DNAH11: variants seen among roughly 807,000 people sequenced by gnomAD.
The protein encoded by DNAH11 is axonemal beta dynein heavy chain 11.
In DNAH11, 442 loss-of-function variants were observed where a neutral mutation model predicts 526.0. That is an observed-to-expected ratio of 0.84 (90% CI 0.78 to 0.91). The LOEUF is 0.91. Among genes scored for constraint, DNAH11 ranks in the 40% least tolerant of loss-of-function variants. The pLI is 0.00. For synonymous variants in DNAH11, 2,461 were observed against 1,935.9 expected (o/e 1.27, Z -7.12); for missense variants, 6,989 against 5,448.7 (o/e 1.28, Z -8.90).
Position 21,779,056 on chromosome 7 carries a change from G to GGA in DNAH11, c.9438_9439dup (p.Lys3147ArgfsTer3). 1 of 1,613,350 alleles carries GGA rather than the reference G, an allele frequency of 6.2e-7. No homozygotes were observed. The highest frequency in any genetic ancestry group is 1.7e-5 in the Admixed American group (1 of 59,968). On this transcript the variant is annotated frameshift_variant, in exon 57 of 82. Coordinates refer to ENST00000409508, the MANE Select transcript of DNAH11 (RefSeq NM_001277115.2). LOFTEE classifies it high-confidence loss of function. ...TGATCACAAAGATCGGCCTTCAGAC[G>GGA]GAGAAAGTGAGCCGGGAAAAGACCA...
At chr7:21,795,592 C>A (rs1428928336) in intron 61 of DNAH11, among the ~76,000 whole-genome samples, 2 of 152,174 alleles carry the variant, frequency 1.3e-5, no homozygotes, top group Non-Finnish European at 2.9e-5. Flanking sequence ...ACAAACAGAA[C>A]CATATTTTAT....
At chr7:21,577,144 T>C (rs1784126704) in intron 8 of DNAH11, among the ~76,000 whole-genome samples, 1 of 152,174 alleles carries the variant, frequency 6.6e-6, no homozygotes, top group South Asian at 2.1e-4. Flanking sequence ...GAAATGCCAG[T>C]GGGCACAGAC....
chr7:21,565,994 G>A (rs1039306626), intron 6 of DNAH11, among the ~76,000 whole-genome samples: 11 of 152,088 alleles, frequency 7.2e-5, no homozygotes, highest in African/African-American at 7.2e-5. Flanking sequence ...TCCTAATGGC[G>A]CGGGTCTCTA....
intron 7 of DNAH11, among the ~76,000 whole-genome samples, chr7:21,570,891 A>G (rs886652497): frequency 6.6e-6 from 1 of 152,182 alleles, no homozygotes; most frequent in Non-Finnish European, 1.5e-5. Context: ...TTTAAAAAAA[A>G]AAAAAAAAAG....
chr7:21,717,707 T>A, intron 42 of DNAH11, 68 bp from the exon 43 acceptor site: 1 of 1,588,504 alleles, frequency 6.3e-7, no homozygotes, highest in Non-Finnish European at 8.6e-7. Context: ...GGAGGAAGCT[T>A]TTGACTTGGT....
At chr7:21,851,353 A>T (rs1360046808) in intron 66 of DNAH11, 4 of 305,648 alleles carry the variant, frequency 1.3e-5, no homozygotes, top group Admixed American at 1.2e-4. Flanking sequence ...AGCTATACGG[A>T]ACTATGAGTC....
At chr7:21,866,405 G>A (rs114909687) in intron 70 of DNAH11, 65 bp from the exon 71 acceptor site, 2 of 1,457,092 alleles carry the variant, frequency 1.4e-6, no homozygotes, top group South Asian at 2.8e-5. Context: ...ACATTCACAA[G>A]TCTTCTTCTC....
chr7:21,854,634 C>T (rs926222468), intron 68 of DNAH11, among the ~76,000 whole-genome samples, 179 bp downstream of exon 68: 6 of 152,058 alleles, frequency 3.9e-5, no homozygotes, highest in African/African-American at 1.4e-4. Context: ...CCTCTGCCTC[C>T]CATATTCAAG....
Position 21,880,740 on chromosome 7 carries a change from A to G in DNAH11, c.12234A>G (p.Lys4078=). Residue 4078 remains lysine (K), a synonymous_variant, in exon 75 of 82, where the codon AAA becomes AAG. Coordinates refer to ENST00000409508, the MANE Select transcript of DNAH11 (RefSeq NM_001277115.2). ...TATGCTCCAAGGAGCAGGAGTTTAA[A>G]AGCATCCTTTTTTCTCTCTGCTACT... ...LEICSKEQEF[K]SILFSLCYFH... is the part of the protein sequence containing the mutation. 3 of 1,613,960 alleles carry G rather than the reference A, an allele frequency of 1.9e-6. No homozygotes were observed. The South Asian group carries it at 3.3e-5, about 18-fold the overall frequency.
At chr7:21,830,242 AC>A (rs2128008161) in intron 65 of DNAH11, among the ~76,000 whole-genome samples, 1 of 151,864 alleles carries the variant, frequency 6.6e-6, no homozygotes, top group South Asian at 2.1e-4. Context: ...ACAGTAGAAA[AC>A]TTTTATACAA....
At chr7:21,701,354 A>G (rs1439661855) in intron 36 of DNAH11, among the ~76,000 whole-genome samples, 1 of 147,084 alleles carries the variant, frequency 6.8e-6, no homozygotes, top group African/African-American at 2.5e-5. Context: ...CAGTAATGTG[A>G]TCATAGCTCA....
chr7:21,548,629 A>G (rs2128426667), intron 2 of DNAH11, among the ~76,000 whole-genome samples: 1 of 152,300 alleles, frequency 6.6e-6, no homozygotes, highest in East Asian at 1.9e-4. Flanking sequence ...ACTGGAAGGT[A>G]ACAGGTTACA....
chr7:21,711,702 C>T lies in DNAH11; in HGVS notation c.6835-10C>T, dbSNP rs1784469667. 2 of 1,612,044 alleles carry T rather than the reference C, an allele frequency of 1.2e-6. No homozygotes were observed. Among genetic ancestry groups the T allele is most frequent in the East Asian group, 2.2e-5 (1 of 44,820 alleles). On this transcript the variant is annotated splice_polypyrimidine_tract_variant and intron_variant, in intron 41 of 81. Coordinates refer to ENST00000409508, the MANE Select transcript of DNAH11 (RefSeq NM_001277115.2). The stretch of plus-strand genomic sequence containing the variant: ...TTTGCCCATGGGTGACAGTGTGCTG[C>T]TCACTCCAGGTGCTGACCCTCGCCA...
intron 5 of DNAH11, among the ~76,000 whole-genome samples, chr7:21,563,800 A>G (rs1219383097): frequency 2.6e-5 from 4 of 152,230 alleles, no homozygotes; most frequent in African/African-American, 9.6e-5. Context: ...CCTAGAAGGA[A>G]TTAACATTCT....
At chr7:21,616,155 A>C (rs189637471) in intron 21 of DNAH11, 54 bp from the exon 22 acceptor site, 1 of 1,348,266 alleles carries the variant, frequency 7.4e-7, no homozygotes, top group East Asian at 2.3e-5. Flanking sequence ...TTTGCTGCAG[A>C]GACTTGCTTT....
chr7:21,625,394 C>T (rs146766761), intron 25 of DNAH11, among the ~76,000 whole-genome samples: 2 of 152,020 alleles, frequency 1.3e-5, no homozygotes, highest in Non-Finnish European at 2.9e-5. Flanking sequence ...TGAGTTATCT[C>T]CCTTCTTTCC....
In DNAH11 at chr7:21,591,036, G is replaced by A; in HGVS notation, c.2274+14G>A. ...ACTATTTTAAAGGTTTGTGATTTTTGTTAAAAAAAAGATACTAGGGCCTAT... is the reference window on the plus strand; with the variant it reads ...ACTATTTTAAAGGTTTGTGATTTTTATTAAAAAAAAGATACTAGGGCCTAT... On this transcript the variant is annotated intron_variant, in intron 13 of 81. Transcript: ENST00000409508. 6.8e-7 allele frequency: 1 copy of A among 1,466,376 alleles called. No individual in the cohort carries two copies. Among genetic ancestry groups the A allele is most frequent in the Non-Finnish European group, 9.0e-7 (1 of 1,112,934 alleles). The allele number at this position is 1,466,376 out of a possible 1,614,324, so 90.8% of individuals were successfully genotyped here.
chr7:21,619,900 T>G, intron 24 of DNAH11, 56 bp from the exon 25 acceptor site: 1 of 1,481,622 alleles, frequency 6.7e-7, no homozygotes, highest in South Asian at 1.3e-5. Flanking sequence ...GATAATAGTC[T>G]ACATATTGAT....
chr7:21,545,285 A>C, intron 2 of DNAH11, 136 bp downstream of exon 2: 1 of 790,564 alleles, frequency 1.3e-6, no homozygotes, highest in South Asian at 2.0e-5. Context: ...AAAAAAAAAA[A>C]AAAAAAAAAA....
Sources: gnomAD v4.1 joint callset for allele counts (sites outside exome capture counted in the v4.1 genomes callset) on GRCh38, gnomAD v4.1.1 for gene constraint, MANE v1.5 for transcripts, NCBI Gene and HGNC (gene_info 2026-07-23, HGNC 2026-07-21) for gene names.